Variants in CSMD1 observed in about 807,000 individuals in gnomAD.
The protein encoded by CSMD1 is CUB and Sushi multiple domains 1.
Under a neutral mutation model 417.5 loss-of-function variants are expected in CSMD1, and 213 were observed. The ratio of observed to expected loss-of-function variants is 0.51; its 90% confidence interval spans 0.46 to 0.57. The LOEUF is 0.57. Among genes scored for constraint, CSMD1 ranks in the 20% least tolerant of loss-of-function variants. The pLI is 0.00. For synonymous variants in CSMD1, 2,862 were observed against 1,736.8 expected (o/e 1.65, Z -16.11); for missense variants, 6,923 against 4,529.7 (o/e 1.53, Z -15.17).
intron 5 of CSMD1, among the ~76,000 whole-genome samples, chr8:3,784,160 T>A (rs1477634525): frequency 1.3e-5 from 2 of 152,182 alleles, no homozygotes; most frequent in Admixed American, 1.3e-4. Context: ...CATGCATACA[T>A]ATAGTAGACA....
chr8:3,193,076 C>T (rs1344754614), intron 33 of CSMD1, among the ~76,000 whole-genome samples: 1 of 152,120 alleles, frequency 6.6e-6, no homozygotes, highest in African/African-American at 2.4e-5. Flanking sequence ...TTGCACTTAT[C>T]TAAGAGGCTT....
At chr8:3,816,048 T>A (rs954749744) in intron 5 of CSMD1, among the ~76,000 whole-genome samples, 3 of 152,194 alleles carry the variant, frequency 2.0e-5, no homozygotes, top group Non-Finnish European at 4.4e-5. Context: ...TCCCCGTGGG[T>A]TGGTTCTGAT....
chr8:4,236,772 C>T (rs893821023), intron 3 of CSMD1, among the ~76,000 whole-genome samples: 2 of 152,156 alleles, frequency 1.3e-5, no homozygotes, highest in Non-Finnish European at 2.9e-5. Context: ...ATACATTTTA[C>T]AAGGTGGGCA....
chr8:4,502,423 C>T (rs1034218755), intron 2 of CSMD1, among the ~76,000 whole-genome samples: 2 of 152,122 alleles, frequency 1.3e-5, no homozygotes, highest in Non-Finnish European at 2.9e-5. Context: ...AATTCTTTCC[C>T]ACCCTTTGTC....
intron 5 of CSMD1, among the ~76,000 whole-genome samples, chr8:3,819,661 G>A (rs896109723): frequency 2.0e-5 from 3 of 152,076 alleles, no homozygotes; most frequent in Non-Finnish European, 2.9e-5. Context: ...ATGACTCACT[G>A]CGGCCTTGGC....
chr8:4,825,035 T>G (rs184529623), intron 1 of CSMD1, among the ~76,000 whole-genome samples: 1 of 152,224 alleles, frequency 6.6e-6, no homozygotes, highest in South Asian at 2.1e-4. Context: ...TTTTTATCCT[T>G]TTTGAAGTCA....
At chr8:4,243,169 T>A (rs183707022) in intron 3 of CSMD1, among the ~76,000 whole-genome samples, 211 of 152,162 alleles carry the variant, frequency 1.4e-3, no homozygotes, top group African/African-American at 4.9e-3. Context: ...AGTGCTTGCA[T>A]GGAAGCCTCT....
chr8:3,036,405 G>C (rs535309798), intron 50 of CSMD1, among the ~76,000 whole-genome samples: 1 of 152,130 alleles, frequency 6.6e-6, no homozygotes, highest in Non-Finnish European at 1.5e-5. Flanking sequence ...TCTTAACAGA[G>C]AAGTCTCCCC....
chr8:4,969,446 C>G (rs952886903), intron 1 of CSMD1, among the ~76,000 whole-genome samples: 1 of 151,720 alleles, frequency 6.6e-6, no homozygotes, highest in Admixed American at 6.6e-5. Context: ...AGCCAGTTCA[C>G]AGAAAATCTT....
intron 26 of CSMD1, among the ~76,000 whole-genome samples, chr8:3,269,472 A>G (rs1304521515): frequency 1.3e-5 from 2 of 152,238 alleles, no homozygotes; most frequent in Admixed American, 1.3e-4. Context: ...TCCTGTAATA[A>G]ACAACAAATG....
chr8:4,295,119 C>CATATAATCTTAAGATT (rs1316254119), intron 3 of CSMD1, among the ~76,000 whole-genome samples: 14 of 92,934 alleles, frequency 1.5e-4, no homozygotes, highest in Admixed American at 8.2e-4. Context: ...AGATTACACA[C>CATATAATCTTAAGATT]ATATAATCTT....
In CSMD1 at chr8:3,586,266, C is replaced by T; in HGVS notation, c.1098-6G>A. ...ACTGTACATTTGCACCAACCCTAAG[C>T]CGTTAAAAAAGAAAAAAAAAAACCC... On this transcript the variant is annotated splice_polypyrimidine_tract_variant and splice_region_variant and intron_variant, in intron 8 of 69. Coordinates refer to ENST00000635120, the MANE Select transcript of CSMD1 (RefSeq NM_033225.6). 1 of 1,525,610 alleles carries T rather than the reference C, an allele frequency of 6.6e-7. No homozygotes were observed. The highest frequency in any genetic ancestry group is 8.7e-7 in the Non-Finnish European group (1 of 1,145,944). 94.5% of individuals were successfully genotyped at this position (1,525,610 alleles called of 1,614,324 possible).
intron 1 of CSMD1, among the ~76,000 whole-genome samples, chr8:4,677,926 C>T (rs930586688): frequency 2.0e-5 from 3 of 151,954 alleles, no homozygotes; most frequent in Non-Finnish European, 4.4e-5. Context: ...ATATTGATTC[C>T]GTAGGTATAA....
At chr8:3,283,246 T>G (rs1319810036) in intron 26 of CSMD1, among the ~76,000 whole-genome samples, 1 of 152,064 alleles carries the variant, frequency 6.6e-6, no homozygotes, top group African/African-American at 2.4e-5. Context: ...CAAAGCGTGT[T>G]TGATTAGCAG....
At chr8:4,132,530 T>G (rs951410644) in intron 3 of CSMD1, among the ~76,000 whole-genome samples, 12 of 152,198 alleles carry the variant, frequency 7.9e-5, no homozygotes, top group African/African-American at 2.7e-4. Flanking sequence ...CTGGGTATAA[T>G]TTTAAAATGC....
intron 5 of CSMD1, among the ~76,000 whole-genome samples, chr8:3,823,068 T>C (rs1801830132): frequency 6.6e-6 from 1 of 152,100 alleles, no homozygotes; most frequent in African/African-American, 2.4e-5. Flanking sequence ...CCGGAAGAGA[T>C]TTCAAGAGGA....
intron 54 of CSMD1, among the ~76,000 whole-genome samples, chr8:2,995,540 C>T (rs1290513127): frequency 6.6e-6 from 1 of 152,172 alleles, no homozygotes; most frequent in Non-Finnish European, 1.5e-5. Context: ...ACCATTTACA[C>T]TCTTGGGCAT....
At chr8:3,936,926 A>G (rs963753123) in intron 5 of CSMD1, among the ~76,000 whole-genome samples, 3 of 152,198 alleles carry the variant, frequency 2.0e-5, no homozygotes, top group Non-Finnish European at 2.9e-5. Context: ...AATGTTTGTG[A>G]TTCATGGGAA....
At chr8:4,543,339 T>C (rs550322568) in intron 2 of CSMD1, among the ~76,000 whole-genome samples, 3 of 152,260 alleles carry the variant, frequency 2.0e-5, no homozygotes, top group South Asian at 2.1e-4. Flanking sequence ...CCCATCCTTT[T>C]AGCGTCCCCA....
Sources: allele counts gnomAD v4.1 joint callset (sites outside exome capture counted in the v4.1 genomes callset), GRCh38; gene constraint gnomAD v4.1.1; transcripts MANE v1.5; gene names NCBI Gene and HGNC (gene_info 2026-07-23, HGNC 2026-07-21).